The following ACAP2 variants were observed in gnomAD, a reference collection of about 807,000 sequenced individuals.
ACAP2 encodes arf-GAP with coiled-coil, ANK repeat and PH domain-containing protein 2.
In ACAP2, 39 loss-of-function variants were observed where a neutral mutation model predicts 115.8. That is an observed-to-expected ratio of 0.34 (90% CI 0.26 to 0.44). The LOEUF is 0.44. Ranked by LOEUF, ACAP2 falls within the 20% of genes least tolerant of loss-of-function variation. ACAP2 has a pLI of 1.00. For missense variants in ACAP2, 662 were observed against 927.6 expected (o/e 0.71, Z 3.72); for synonymous variants, 289 against 315.8 (o/e 0.92, Z 0.90).
intron 2 of ACAP2, among the ~76,000 whole-genome samples, chr3:195,387,296 A>C (rs1734369596): frequency 6.6e-6 from 1 of 152,178 alleles, no homozygotes; most frequent in Admixed American, 6.5e-5. Flanking sequence ...TCCCTAATTC[A>C]TTCAACAACT....
chr3:195,341,573 T>C (rs552644704), intron 6 of ACAP2, among the ~76,000 whole-genome samples: 2 of 152,242 alleles, frequency 1.3e-5, no homozygotes, highest in African/African-American at 4.8e-5. Flanking sequence ...TCCACCCGTC[T>C]TGGCCTCCCA....
intron 1 of ACAP2, among the ~76,000 whole-genome samples, chr3:195,431,324 GCTC>G (rs1435749786): frequency 6.6e-6 from 1 of 152,082 alleles, no homozygotes; most frequent in African/African-American, 2.4e-5. Context: ...AGTGAATAAT[GCTC>G]CTATGAACAT....
chr3:195,308,551 G>C (rs1016356028), intron 11 of ACAP2, among the ~76,000 whole-genome samples: 3 of 152,066 alleles, frequency 2.0e-5, no homozygotes, highest in Non-Finnish European at 4.4e-5. Context: ...CTGTGACCCA[G>C]AAAAATCCAT....
intron 10 of ACAP2, among the ~76,000 whole-genome samples, chr3:195,317,485 T>G (rs1729173475): frequency 6.6e-6 from 1 of 152,186 alleles, no homozygotes; most frequent in Admixed American, 6.5e-5. Flanking sequence ...TTTTGACTAC[T>G]TTTTTATTTT....
intron 1 of ACAP2, among the ~76,000 whole-genome samples, chr3:195,420,056 A>C (rs1369998227): frequency 6.6e-6 from 1 of 152,200 alleles, no homozygotes; most frequent in African/African-American, 2.4e-5. Flanking sequence ...CATTAGAAAG[A>C]ATTTATACTT....
intron 22 of ACAP2, among the ~76,000 whole-genome samples, chr3:195,284,149 G>A (rs767466610): frequency 6.6e-6 from 1 of 152,114 alleles, no homozygotes; most frequent in Non-Finnish European, 1.5e-5. Context: ...AGCAGACACC[G>A]TAAGGAAAGA....
At chr3:195,308,717 C>A in intron 11 of ACAP2, 69 bp downstream of exon 11, 1 of 1,306,572 alleles carries the variant, frequency 7.7e-7, no homozygotes, top group Non-Finnish European at 1.1e-6. Flanking sequence ...GTATAGACTT[C>A]AATGTTTACC....
chr3:195,369,165 T>C (rs140756816), intron 4 of ACAP2, among the ~76,000 whole-genome samples: 65 of 152,318 alleles, frequency 4.3e-4, no homozygotes, highest in African/African-American at 1.5e-3. Flanking sequence ...TGTAGGCCTT[T>C]AGAGATTCAA....
intron 1 of ACAP2, among the ~76,000 whole-genome samples, chr3:195,394,209 T>C (rs1013765036): frequency 2.6e-5 from 4 of 152,158 alleles, no homozygotes; most frequent in African/African-American, 9.7e-5. Flanking sequence ...ACACATTCTA[T>C]CACTGTGCAC....
At chr3:195,325,807 T>C (rs749762648) in intron 9 of ACAP2, among the ~76,000 whole-genome samples, 6 of 152,188 alleles carry the variant, frequency 3.9e-5, no homozygotes. Context: ...CACATCATAC[T>C]GTACACTCTA....
At chr3:195,378,861 C>CA (rs367815107) in intron 4 of ACAP2, among the ~76,000 whole-genome samples, 4,903 of 70,452 alleles carry the variant, frequency 0.07, 142 homozygotes, top group East Asian at 0.18. Flanking sequence ...ACTCTGTCTC[C>CA]AAAAAAAAAA....
At position 195,278,412 on chromosome 3, in the gene ACAP2, CT is replaced by C. The variant is rs1726271659; in HGVS notation, c.*915del. 6.6e-6 allele frequency: 1 copy of C among 151,990 alleles called. No homozygotes were observed. The highest frequency in any genetic ancestry group is 2.4e-5 in the African/African-American group (1 of 41,426). The allele number at this position is 151,990 out of a possible 1,614,324, so 9.4% of individuals were successfully genotyped here. A position where few individuals can be genotyped will look rare whatever the true frequency, so the allele number is the denominator to read the frequency against. On this transcript the variant is annotated 3_prime_UTR_variant, in exon 23 of 23. Transcript: ENST00000326793. ...TCACTAGGAGCAACAGCAAAACTAT[CT>C]TTAAAAGGACAAATTTCAAATATAA...
intron 8 of ACAP2, among the ~76,000 whole-genome samples, chr3:195,332,320 A>C (rs748135359): frequency 1.3e-5 from 2 of 152,180 alleles, no homozygotes; most frequent in African/African-American, 2.4e-5. Context: ...AATTGGAACA[A>C]TAACTCAATT....
intron 4 of ACAP2, among the ~76,000 whole-genome samples, chr3:195,367,873 A>C (rs889264891): frequency 6.6e-6 from 1 of 152,206 alleles, no homozygotes; most frequent in African/African-American, 2.4e-5. Context: ...TCCTTCAGCC[A>C]CAGTCAAGCC....
intron 2 of ACAP2, among the ~76,000 whole-genome samples, chr3:195,388,389 A>T (rs937700647): frequency 6.6e-6 from 1 of 152,230 alleles, no homozygotes; most frequent in African/African-American, 2.4e-5. Flanking sequence ...TGTCAATGAC[A>T]GAACACCTGG....
chr3:195,302,569 T>C (rs1728134596), intron 13 of ACAP2, among the ~76,000 whole-genome samples: 1 of 151,962 alleles, frequency 6.6e-6, no homozygotes, highest in Non-Finnish European at 1.5e-5. Flanking sequence ...TTCAATAAAC[T>C]TTAAGCTAGT....
intron 6 of ACAP2, among the ~76,000 whole-genome samples, chr3:195,337,624 A>G (rs1352630143): frequency 1.3e-5 from 2 of 151,702 alleles, no homozygotes. Context: ...AATTTTTTCT[A>G]TTTAGTAGAG....
chr3:195,284,264 T>C (rs1247399625), intron 22 of ACAP2, among the ~76,000 whole-genome samples: 1 of 152,250 alleles, frequency 6.6e-6, no homozygotes, highest in African/African-American at 2.4e-5. Flanking sequence ...TCATATTCTT[T>C]AAACAATTTT....
At chr3:195,351,526 A>T (rs1458510933) in intron 4 of ACAP2, among the ~76,000 whole-genome samples, 1 of 147,900 alleles carries the variant, frequency 6.8e-6, no homozygotes, top group Non-Finnish European at 1.5e-5. Context: ...CAGTGGCGTG[A>T]TGTCAGCTCA....
Sources: gnomAD v4.1 joint callset for allele counts (sites outside exome capture counted in the v4.1 genomes callset) on GRCh38, gnomAD v4.1.1 for gene constraint, MANE v1.5 for transcripts, NCBI Gene and HGNC (gene_info 2026-07-23, HGNC 2026-07-21) for gene names.